PDSS2: variants seen among roughly 807,000 people sequenced by gnomAD.
PDSS2 encodes the protein decaprenyl diphosphate synthase subunit 2, also known as all trans-polyprenyl-diphosphate synthase PDSS2.
In PDSS2, 31 loss-of-function variants were observed where a neutral mutation model predicts 44.5. The observed-to-expected ratio is 0.70, with a 90% CI of 0.52 to 0.94. The LOEUF (loss-of-function observed/expected upper bound fraction) is 0.94, where lower values mean the gene tolerates loss of function less well. Among genes scored for constraint, PDSS2 ranks in the 40% least tolerant of loss-of-function variants. The pLI is 0.00. For missense variants in PDSS2, 452 were observed against 482.2 expected (o/e 0.94, Z 0.59); for synonymous variants, 157 against 180.3 (o/e 0.87, Z 1.03).
chr6:107,284,095 G>A (rs150219840), intron 2 of PDSS2, among the ~76,000 whole-genome samples: 23 of 151,638 alleles, frequency 1.5e-4, no homozygotes, highest in East Asian at 5.8e-4. Flanking sequence ...ATTGTGTTTC[G>A]CTATACGGAC....
Position 107,154,700 on chromosome 6 carries a change from C to G in PDSS2, c.1119G>C (p.Leu373=), listed in dbSNP as rs373321856. 2 of 1,613,992 alleles carry G rather than the reference C, an allele frequency of 1.2e-6. No homozygotes were observed. Among genetic ancestry groups the G allele is most frequent in the African/African-American group, 2.7e-5 (2 of 74,924 alleles). ...DLCRYHGNKA[L]EALESFPPSE... ...AGGGAGGAAAGCTCTCCAGGGCCTC[C>G]AGTGCCTTGTTTCCATGGTAACGAC... The change falls in exon 8 of 8, where the codon CTG becomes CTC. Residue 373 remains leucine (L), a synonymous_variant. Coordinates refer to ENST00000369037, the MANE Select transcript of PDSS2 (RefSeq NM_020381.4).
chr6:107,264,415 T>C (rs2114899363), intron 3 of PDSS2: 1 of 1,548,538 alleles, frequency 6.5e-7, no homozygotes, highest in African/African-American at 1.4e-5. Context: ...CCTCCAGGAG[T>C]GACATCATGA....
At position 107,298,314 on chromosome 6, in the gene PDSS2, G is replaced by A. The variant is rs569921927; in HGVS notation, c.432-24087C>T. Among the ~76,000 whole-genome samples, 18 of 152,094 alleles carry A rather than the reference G, an allele frequency of 1.2e-4. No homozygotes were observed. The East Asian group carries it at 1.4e-3, about 11-fold the overall frequency. The stretch of plus-strand genomic sequence containing the variant: ...GACAGAAAATACTTGTACTGAACAC[G>A]AGCAGACTTTTTTCCTGGTCATTAT... On this transcript the variant is annotated intron_variant, in intron 2 of 7. Coordinates refer to ENST00000369037, the MANE Select transcript of PDSS2 (RefSeq NM_020381.4).
At chr6:107,446,171 C>T (rs1417068372) in intron 1 of PDSS2, among the ~76,000 whole-genome samples, 1 of 152,004 alleles carries the variant, frequency 6.6e-6, no homozygotes, top group East Asian at 1.9e-4. Context: ...CAAAAGTTAG[C>T]TGGGCGTGGT....
At chr6:107,298,969 C>T (rs55820576) in intron 2 of PDSS2, among the ~76,000 whole-genome samples, 25,910 of 151,768 alleles carry the variant, frequency 0.17, 2,401 homozygotes, top group South Asian at 0.2. Flanking sequence ...TAGCAAAACC[C>T]CATTTCTACT....
chr6:107,209,031 A>G (rs1477126655), intron 6 of PDSS2, among the ~76,000 whole-genome samples: 2 of 152,034 alleles, frequency 1.3e-5, no homozygotes, highest in African/African-American at 4.8e-5. Flanking sequence ...TTTATATTTT[A>G]TAATTCTAAT....
At chr6:107,373,996 G>A (rs929138511) in intron 1 of PDSS2, among the ~76,000 whole-genome samples, 26 of 152,174 alleles carry the variant, frequency 1.7e-4, no homozygotes, top group Non-Finnish European at 3.7e-4. Flanking sequence ...GCTCACGCCT[G>A]TAATCTCAGA....
At chr6:107,200,544 C>T (rs544974881) in intron 6 of PDSS2, among the ~76,000 whole-genome samples, 54 of 152,258 alleles carry the variant, frequency 3.5e-4, no homozygotes, top group Middle Eastern at 3.4e-3. Context: ...TCAGGGTTTA[C>T]TTCAAAGGCT....
chr6:107,182,694 G>C (rs1263322120), intron 7 of PDSS2, among the ~76,000 whole-genome samples: 1 of 152,134 alleles, frequency 6.6e-6, no homozygotes, highest in East Asian at 1.9e-4. Flanking sequence ...AACAGAAACT[G>C]ATCAGTGATT....
chr6:107,436,641 G>A lies in PDSS2; in HGVS notation c.296+22349C>T, dbSNP rs1013759833. On this transcript the variant is annotated intron_variant, in intron 1 of 7. Coordinates refer to ENST00000369037, the MANE Select transcript of PDSS2 (RefSeq NM_020381.4). ...GGATACAAAATTTCAGTTGGGAGGAGTAAGTTCTAGTGTTCTTTATCACTG... is the reference window on the plus strand; with the variant it reads ...GGATACAAAATTTCAGTTGGGAGGAATAAGTTCTAGTGTTCTTTATCACTG... Among the ~76,000 whole-genome samples, 6 of 152,298 alleles carry A rather than the reference G, an allele frequency of 3.9e-5. No homozygotes were observed. In the South Asian group the frequency reaches 6.2e-4, roughly 16 times the overall value.
chr6:107,255,054 A>G (rs893199603), intron 3 of PDSS2, among the ~76,000 whole-genome samples: 7 of 151,364 alleles, frequency 4.6e-5, no homozygotes, highest in African/African-American at 1.7e-4. Context: ...TATTTTTACT[A>G]GAGACGGGGT....
chr6:107,409,067 G>A (rs1780410572), intron 1 of PDSS2, among the ~76,000 whole-genome samples: 1 of 152,196 alleles, frequency 6.6e-6, no homozygotes, highest in Non-Finnish European at 1.5e-5. Context: ...CTGACACTTA[G>A]AGTATATGTT....
intron 1 of PDSS2, among the ~76,000 whole-genome samples, chr6:107,429,054 A>C (rs1756854368): frequency 6.6e-6 from 1 of 152,170 alleles, no homozygotes; most frequent in African/African-American, 2.4e-5. Flanking sequence ...GGAGAATGCA[A>C]ACTCAGTGGT....
rs978147267 is a variant in PDSS2 at position 107,193,761 on chromosome 6, C to T, written c.1041+61G>A. ...TCTCTTTTGACCTTTCAAATATAAA[C>T]GAAAGCCAAACACCAAATTGAAATG... On this transcript the variant is annotated intron_variant, in intron 7 of 7. Transcript: ENST00000369037. 85 of 1,018,032 alleles carry T rather than the reference C, an allele frequency of 8.3e-5. 1 individual carries two copies. Among genetic ancestry groups the T allele is most frequent in the Non-Finnish European group, 1.1e-4 (68 of 636,738 alleles). The allele number at this position is 1,018,032 out of a possible 1,614,324, so 63.1% of individuals were successfully genotyped here. A position where few individuals can be genotyped will look rare whatever the true frequency, so the allele number is the denominator to read the frequency against.
At chr6:107,447,568 G>A (rs1434672322) in intron 1 of PDSS2, among the ~76,000 whole-genome samples, 1 of 152,172 alleles carries the variant, frequency 6.6e-6, no homozygotes, top group Non-Finnish European at 1.5e-5. Context: ...GCTATTACAA[G>A]AGGTGGGCTC....
Position 107,334,186 on chromosome 6 carries a change from A to C in PDSS2, c.431+12T>G. ...TGTAGAGAGCAATGTCAAAAGACTA[A>C]ATTCTTCTTACCATGAGTAGATCCC... On this transcript the variant is annotated intron_variant, in intron 2 of 7. Coordinates refer to ENST00000369037, the MANE Select transcript of PDSS2 (RefSeq NM_020381.4). 1 of 1,612,902 alleles carries C rather than the reference A, an allele frequency of 6.2e-7. No homozygotes were observed. The highest frequency in any genetic ancestry group is 8.5e-7 in the Non-Finnish European group (1 of 1,179,128).
chr6:107,308,159 T>G (rs1025694374), intron 2 of PDSS2, among the ~76,000 whole-genome samples: 3 of 152,178 alleles, frequency 2.0e-5, no homozygotes, highest in Non-Finnish European at 2.9e-5. Flanking sequence ...CTTGTTCACC[T>G]TAATCTATCT....
chr6:107,435,949 G>A (rs1425060666), intron 1 of PDSS2, among the ~76,000 whole-genome samples: 4 of 150,884 alleles, frequency 2.7e-5, no homozygotes, highest in East Asian at 3.9e-4. Context: ...CAAAAATTGC[G>A]AAAAAAAAAT....
At chr6:107,172,447 T>C (rs1455883252) in intron 7 of PDSS2, among the ~76,000 whole-genome samples, 1 of 152,064 alleles carries the variant, frequency 6.6e-6, no homozygotes, top group Non-Finnish European at 1.5e-5. Context: ...TCCTAGCACT[T>C]TGGGAGGCTG....
Sources: allele counts gnomAD v4.1 joint callset (sites outside exome capture counted in the v4.1 genomes callset), GRCh38; gene constraint gnomAD v4.1.1; transcripts MANE v1.5; gene names NCBI Gene and HGNC (gene_info 2026-07-23, HGNC 2026-07-21).